Variants in SRCIN1 observed in about 807,000 individuals in gnomAD.
SRCIN1 encodes P130Cas-associated protein.
In SRCIN1, 50 loss-of-function variants were observed where a neutral mutation model predicts 116.2. The ratio of observed to expected loss-of-function variants is 0.43; its 90% CI spans 0.34 to 0.54. The LOEUF (loss-of-function observed/expected upper bound fraction) is 0.54, where lower values mean the gene tolerates loss of function less well. Ranked by LOEUF, SRCIN1 falls within the 20% of genes least tolerant of loss-of-function variation. SRCIN1 has a pLI of 0.02. For synonymous variants in SRCIN1, 736 were observed against 750.0 expected, an observed-to-expected ratio of 0.98 and a Z score of 0.30; for missense variants, 1,446 against 1,672.0, an observed-to-expected ratio of 0.86 and a Z score of 2.36.
chr17:38,600,202 C>A (rs1908945079), intron 1 of SRCIN1, among the ~76,000 whole-genome samples: 2 of 152,204 alleles, frequency 1.3e-5, no homozygotes, highest in Admixed American at 6.5e-5. Context: ...TTCAGAGACT[C>A]TTCTCATGAC....
rs1265496998 is a variant in SRCIN1 at position 38,563,566 on chromosome 17, C to T, written c.542-45G>A. On this transcript the variant is annotated intron_variant, in intron 4 of 18. Transcript: ENST00000617146. The surrounding 1 kb of genome is among the most constrained non-coding windows in gnomAD (Gnocchi z 5.8). ...CTCGCTGTCACTGCTGCCGTCTCCA[C>T]GCCGCCCTCCAGGAGAGCGCGGGGA... 2 of 1,539,134 alleles carry T rather than the reference C, an allele frequency of 1.3e-6. No homozygotes were observed. Among genetic ancestry groups the T allele is most frequent in the Non-Finnish European group, 8.7e-7 (1 of 1,146,182 alleles).
At chr17:38,596,657 T>C (rs2143440912) in intron 1 of SRCIN1, among the ~76,000 whole-genome samples, 2 of 151,910 alleles carry the variant, frequency 1.3e-5, no homozygotes, top group Middle Eastern at 3.4e-3. Context: ...GTGACAACCC[T>C]CTCCCCAGCC....
In SRCIN1 at chr17:38,533,382, G is replaced by A. The variant is rs1567845967; in HGVS notation, c.3467C>T (p.Pro1156Leu). The A allele has an allele frequency of 6.2e-7, 1 of 1,611,912 alleles. No homozygotes were observed. The highest frequency in any genetic ancestry group is 1.1e-5 in the South Asian group (1 of 90,346). The change falls in exon 19 of 19, where the codon CCA becomes CTA. Residue 1156 changes from proline (P) to leucine (L), a missense_variant. This residue lies in a region of SRCIN1 where 531 missense variants were observed against 633.9 expected (regional missense o/e 0.84). Transcript: ENST00000617146. ...GGAAGCCGAGGGCTTTTCTGAGACT[G>A]GGCTCGAGGTCTCATTCGACCCGCT... ...EMSGSNETSS[P>L]VSEKPSASRT...
intron 17 of SRCIN1, among the ~76,000 whole-genome samples, chr17:38,548,213 G>T (rs1308565251): frequency 6.6e-6 from 1 of 152,088 alleles, no homozygotes; most frequent in African/African-American, 2.4e-5. Flanking sequence ...TCTCAAGCAT[G>T]AGCTGATCTC....
At chr17:38,537,529 T>G (rs1045948731) in intron 18 of SRCIN1, among the ~76,000 whole-genome samples, 1 of 152,006 alleles carries the variant, frequency 6.6e-6, no homozygotes, top group Non-Finnish European at 1.5e-5. Flanking sequence ...CTGTGGCTCA[T>G]GCCTGTAATC....
At chr17:38,567,782 A>G (rs778491879) in intron 3 of SRCIN1, among the ~76,000 whole-genome samples, 23 of 152,160 alleles carry the variant, frequency 1.5e-4, no homozygotes, top group Non-Finnish European at 2.9e-4. Context: ...GTGGACAGTA[A>G]GAAAAGGAAG....
In SRCIN1 at chr17:38,568,097, G is replaced by A. The variant is rs1906838554; in HGVS notation, c.345+114C>T. 1 of 1,317,106 alleles carries A rather than the reference G, an allele frequency of 7.6e-7. No individual in the cohort carries two copies. The highest frequency in any genetic ancestry group is 1.2e-5 in the South Asian group (1 of 80,684). The allele number at this position is 1,317,106 out of a possible 1,614,324, so 81.6% of individuals were successfully genotyped here. On this transcript the variant is annotated intron_variant, in intron 3 of 18. Transcript: ENST00000617146. This position sits in a 1 kb window ranked among gnomAD's most constrained non-coding sequence, Gnocchi z 4.5. Reference sequence around the variant, plus strand: ...GCCCCGAGGCCCACCGCCCATACCAGAAGGTGTCCGTGCAGATGCGCACCC... The same window carrying A: ...GCCCCGAGGCCCACCGCCCATACCAAAAGGTGTCCGTGCAGATGCGCACCC...
chr17:38,554,148 T>C (rs1211867869), intron 11 of SRCIN1, among the ~76,000 whole-genome samples: 2 of 151,290 alleles, frequency 1.3e-5, no homozygotes, highest in African/African-American at 4.9e-5. Context: ...GAGGCGGAGG[T>C]TGCAGTGGGC....
rs1909252088 is a variant in SRCIN1, at chr17:38,604,627, A to G, written c.22+1057T>C. ...TGGGGACGCGTGGGGCTGGGGGACG[A>G]GCACCAGCAGCCGCACACGCCCCGC... On this transcript the variant is annotated intron_variant, in intron 1 of 18. Coordinates refer to ENST00000617146, the MANE Select transcript of SRCIN1 (RefSeq NM_025248.3). This position sits in a 1 kb window ranked among gnomAD's most constrained non-coding sequence, Gnocchi z 4.3. The G allele has an allele frequency of 2.4e-6, 1 of 424,056 alleles. No homozygotes were observed. The highest frequency in any genetic ancestry group is 7.9e-5 in the East Asian group (1 of 12,664). 26.3% of individuals were successfully genotyped at this position (424,056 alleles called of 1,614,324 possible).
At chr17:38,578,270 G>C (rs1907541158) in intron 2 of SRCIN1, among the ~76,000 whole-genome samples, 1 of 152,178 alleles carries the variant, frequency 6.6e-6, no homozygotes. Flanking sequence ...AGAGGTCTGG[G>C]GGCCAAGCCC....
rs1200707469 is a variant in SRCIN1 at position 38,548,638 on chromosome 17, G to A, written c.3189C>T (p.Ala1063=). ...TGATGGGTGGTGTGGAGGCTGGGCG[G>A]GCCACCTCAGACACAGCCCGGCGCA... ...VKLRRAVSEV[A]RPASTPPIMA... is the part of the protein sequence containing the mutation. The change falls in exon 17 of 19, where the codon GCC becomes GCT. Residue 1063 remains alanine (A), a synonymous_variant. Transcript: ENST00000617146. The A allele has an allele frequency of 1.8e-5, 29 of 1,612,864 alleles. No individual in the cohort carries two copies. Among genetic ancestry groups the A allele is most frequent in the Non-Finnish European group, 2.3e-5 (27 of 1,179,766 alleles).
In SRCIN1 at chr17:38,568,445, C is replaced by G. The variant is rs999176213; in HGVS notation, c.325-214G>C. On this transcript the variant is annotated intron_variant, in intron 2 of 18. Coordinates refer to ENST00000617146, the MANE Select transcript of SRCIN1 (RefSeq NM_025248.3). This position sits in a 1 kb window ranked among gnomAD's most constrained non-coding sequence, Gnocchi z 4.5. ...TGTACCCAGGATGGCCCTGAGCAGG[C>G]GCTACAGCGACTCCTCGCAGAGTTA... Among the ~76,000 whole-genome samples, 1 of 152,190 alleles carries G rather than the reference C, an allele frequency of 6.6e-6. No individual in the cohort carries two copies. The highest frequency in any genetic ancestry group is 2.4e-5 in the African/African-American group (1 of 41,446).
chr17:38,577,907 G>A (rs1353810456), intron 2 of SRCIN1, among the ~76,000 whole-genome samples: 1 of 152,158 alleles, frequency 6.6e-6, no homozygotes, highest in Non-Finnish European at 1.5e-5. Context: ...ACAGAGAGAG[G>A]AGGCCTCCAG....
At chr17:38,540,123 T>C (rs1422259994) in intron 18 of SRCIN1, among the ~76,000 whole-genome samples, 1 of 151,368 alleles carries the variant, frequency 6.6e-6, no homozygotes, top group African/African-American at 2.4e-5. Context: ...GGGGTGTCCA[T>C]AGCTTCAGGT....
chr17:38,565,589 C>G (rs748837114), intron 3 of SRCIN1, among the ~76,000 whole-genome samples: 3 of 152,168 alleles, frequency 2.0e-5, no homozygotes, highest in Non-Finnish European at 4.4e-5. Context: ...AAAAAGGAAT[C>G]ATTTATTCTC....
Position 38,598,441 on chromosome 17 carries a change from C to G in SRCIN1, c.22+7243G>C, listed in dbSNP as rs113630596. ...GGGGAGACTGCAGAACACGTCCCCCCCGCAATCTCCCCAGCTCTGCACAAG... is the reference window on the plus strand; with the variant it reads ...GGGGAGACTGCAGAACACGTCCCCCGCGCAATCTCCCCAGCTCTGCACAAG... On this transcript the variant is annotated intron_variant, in intron 1 of 18. Transcript: ENST00000617146. 7.4e-3 allele frequency among the ~76,000 whole-genome samples: 1,121 copies of G among 152,264 alleles called. 9 individuals carry two copies. Among genetic ancestry groups the G allele is most frequent in the Middle Eastern group, 0.037 (11 of 294 alleles).
At chr17:38,547,846 G>GA in intron 17 of SRCIN1, 1 of 208,262 alleles carries the variant, frequency 4.8e-6, no homozygotes. Flanking sequence ...GGCGGGGCGT[G>GA]GGGGGGAGGG....
rs1335198420 is a variant in SRCIN1, at chr17:38,604,015, C to T, written c.22+1669G>A. On this transcript the variant is annotated intron_variant, in intron 1 of 18. Coordinates refer to ENST00000617146, the MANE Select transcript of SRCIN1 (RefSeq NM_025248.3). The surrounding 1 kb of genome is among the most constrained non-coding windows in gnomAD (Gnocchi z 4.3). ...CCAGAAACCACCACCATCACAGCTG[C>T]CACCAGTGGCGACAGCCTCACAATC... Among the ~76,000 whole-genome samples the T allele has an allele frequency of 6.6e-6, 1 of 152,160 alleles. No homozygotes were observed. The highest frequency in any genetic ancestry group is 1.5e-5 in the Non-Finnish European group (1 of 68,024).
chr17:38,561,644 G>A lies in SRCIN1; in HGVS notation c.1519C>T (p.Gln507Ter), dbSNP rs1906252414. Residue 507 changes from glutamine to a stop codon, truncating the protein, a stop_gained, in exon 7 of 19, where the codon CAG (glutamine) becomes TAG (stop). Transcript: ENST00000617146. LOFTEE classifies it high-confidence loss of function. ...GPPSRGSPVR[Q>*]SFRKDSGSSS... The stretch of plus-strand genomic sequence containing the variant: ...GAGCCCGAGTCCTTGCGGAAGGACT[G>A]GCGCACTGGCGAGCCGCGGCTGGGC... The A allele has an allele frequency of 6.4e-7, 1 of 1,568,464 alleles. No homozygotes were observed.
Sources: gnomAD v4.1 joint callset for allele counts (sites outside exome capture counted in the v4.1 genomes callset) on GRCh38, gnomAD v4.1.1 for gene constraint, gnomAD v4.1.1 regional missense constraint, Gnocchi (gnomAD v3.1) non-coding constraint, MANE v1.5 for transcripts, NCBI Gene and HGNC (gene_info 2026-07-23, HGNC 2026-07-21) for gene names.